Variants in PITPNM2 observed in about 807,000 individuals in gnomAD.
PITPNM2 encodes the protein membrane-associated phosphatidylinositol transfer protein 2.
PITPNM2 carries 35 observed loss-of-function variants against 132.2 expected under a neutral mutation model. That is an observed-to-expected ratio of 0.26 (90% CI 0.20 to 0.35). The LOEUF is 0.35. PITPNM2 is among the 10% of genes least tolerant of loss of function. The pLI is 1.00. For synonymous variants in PITPNM2, 738 were observed against 799.2 expected (o/e 0.92, Z 1.29); for missense variants, 1,332 against 1,912.0 (o/e 0.70, Z 5.66).
At chr12:123,123,470 G>T (rs1198496660) in intron 1 of PITPNM2, among the ~76,000 whole-genome samples, 1 of 151,988 alleles carries the variant, frequency 6.6e-6, no homozygotes, top group Non-Finnish European at 1.5e-5. Flanking sequence ...AATTAGCCAG[G>T]TGCAGTTGCA....
chr12:123,047,408 G>A (rs192959914), intron 2 of PITPNM2, among the ~76,000 whole-genome samples: 23 of 152,236 alleles, frequency 1.5e-4, no homozygotes, highest in Middle Eastern at 3.4e-3. Context: ...AAATACAGGC[G>A]TCTTGGTTCC....
Position 123,012,648 on chromosome 12 carries a change from T to C in PITPNM2, c.380A>G (p.Asn127Ser), listed in dbSNP as rs771960434. 2 of 1,614,060 alleles carry C rather than the reference T, an allele frequency of 1.2e-6. No individual in the cohort carries two copies. The highest frequency in any genetic ancestry group is 2.2e-5 in the South Asian group (2 of 91,078). The change falls in exon 5 of 26, where the codon AAC (asparagine) becomes AGC (serine). Residue 127 changes from asparagine (N) to serine (S), a missense_variant. Asn to Ser is a conservative substitution (Grantham distance 46). Coordinates refer to ENST00000320201, the MANE Select transcript of PITPNM2 (RefSeq NM_020845.3). ...TDAGENPDVFNLSPVEKNQLT... is the reference protein window; with the variant it reads ...TDAGENPDVFSLSPVEKNQLT... ...CTGGTTCTTTTCCACAGGAGAGAGG[T>C]TGAACACGTCGGGGTTTTCTCCAGC...
chr12:122,986,331 G>A lies in PITPNM2; in HGVS notation c.3746C>T (p.Ala1249Val), dbSNP rs1410340966. Reference protein sequence around the residue: ...QQCQFITDGYAAHLAQLKYSH... With the variant: ...QQCQFITDGYVAHLAQLKYSH... The stretch of plus-strand genomic sequence containing the variant: ...GTACTTCAGCTGCGCCAGGTGGGCC[G>A]CGTAGCCATCCGTGATGAACTGCGG... Residue 1249 changes from alanine to valine, a missense_variant, in exon 26 of 26, where the codon GCG becomes GTG. Transcript: ENST00000320201. 1.9e-5 allele frequency: 30 copies of A among 1,579,754 alleles called. No individual in the cohort carries two copies. Among genetic ancestry groups the A allele is most frequent in the Non-Finnish European group, 2.5e-5 (29 of 1,164,676 alleles).
intron 4 of PITPNM2, among the ~76,000 whole-genome samples, chr12:123,013,257 C>T (rs1393104757): frequency 6.6e-6 from 1 of 152,206 alleles, no homozygotes; most frequent in African/African-American, 2.4e-5. Flanking sequence ...TTGTGGGGAC[C>T]CCACCTGCTC....
intron 25 of PITPNM2, 38 bp from the exon 26 acceptor site, chr12:122,986,388 C>T: frequency 3.2e-6 from 5 of 1,563,952 alleles, no homozygotes; most frequent in Non-Finnish European, 3.5e-6. Flanking sequence ...CAGGCTGGGG[C>T]TCCCCGAGCT....
intron 6 of PITPNM2, among the ~76,000 whole-genome samples, chr12:123,006,780 G>A (rs1462131062): frequency 6.6e-6 from 1 of 151,774 alleles, no homozygotes; most frequent in African/African-American, 2.4e-5. Flanking sequence ...AAAGCAGACT[G>A]GGGGTTGCCT....
At chr12:123,109,429 G>A (rs140099343) in intron 2 of PITPNM2, among the ~76,000 whole-genome samples, 2,843 of 152,238 alleles carry the variant, frequency 0.019, 38 homozygotes, top group Non-Finnish European at 0.029. Flanking sequence ...GCTACTCCCT[G>A]GGCCATTCAA....
At chr12:122,997,279 G>A (rs1438148014) in intron 11 of PITPNM2, 46 bp downstream of exon 11, 36 of 1,608,342 alleles carry the variant, frequency 2.2e-5, no homozygotes, top group Non-Finnish European at 2.3e-5. Flanking sequence ...GTAGGAGGAG[G>A]ACAGTGCACT....
At chr12:123,086,598 A>T (rs1190861534) in intron 2 of PITPNM2, among the ~76,000 whole-genome samples, 1 of 152,216 alleles carries the variant, frequency 6.6e-6, no homozygotes, top group Non-Finnish European at 1.5e-5. Context: ...GAATTAACTG[A>T]TTGAATCTTT....
intron 3 of PITPNM2, among the ~76,000 whole-genome samples, chr12:123,028,443 AAC>A (rs2136393685): frequency 6.6e-6 from 1 of 152,284 alleles, no homozygotes; most frequent in Admixed American, 6.5e-5. Flanking sequence ...TTTCCACAAA[AAC>A]ACAGCAGTCT....
At chr12:123,137,066 A>T (rs2043397543) in intron 1 of PITPNM2, among the ~76,000 whole-genome samples, 1 of 152,180 alleles carries the variant, frequency 6.6e-6, no homozygotes, top group Non-Finnish European at 1.5e-5. Context: ...AATGAGGGCA[A>T]GTGTGACTTC....
chr12:123,112,351 T>C (rs2042855767), intron 1 of PITPNM2, among the ~76,000 whole-genome samples: 2 of 152,052 alleles, frequency 1.3e-5, no homozygotes, highest in Non-Finnish European at 2.9e-5. Flanking sequence ...TAAGGGGACA[T>C]GGAAAGTCAC....
At chr12:123,029,664 T>C (rs989253833) in intron 3 of PITPNM2, among the ~76,000 whole-genome samples, 1 of 150,488 alleles carries the variant, frequency 6.6e-6, no homozygotes, top group African/African-American at 2.4e-5. Flanking sequence ...TGTGTGTCTG[T>C]GGAGATGCAT....
At chr12:123,132,104 A>G (rs754197413) in intron 1 of PITPNM2, among the ~76,000 whole-genome samples, 6 of 152,242 alleles carry the variant, frequency 3.9e-5, no homozygotes, top group Non-Finnish European at 8.8e-5. Flanking sequence ...CTCGCTCTGC[A>G]GCTGTGGATG....
At chr12:123,085,333 A>C (rs1316580912) in intron 2 of PITPNM2, among the ~76,000 whole-genome samples, 7 of 152,192 alleles carry the variant, frequency 4.6e-5, no homozygotes, top group African/African-American at 1.7e-4. Flanking sequence ...CAGTGCTGAC[A>C]TCCCCTTTGC....
intron 8 of PITPNM2, 87 bp from the exon 9 acceptor site, chr12:123,001,245 T>C: frequency 9.9e-7 from 1 of 1,011,918 alleles, no homozygotes; most frequent in Non-Finnish European, 1.6e-6. Flanking sequence ...TGTGTACGGC[T>C]CTGCTCTGAC....
intron 3 of PITPNM2, among the ~76,000 whole-genome samples, chr12:123,020,827 A>G (rs1195504053): frequency 6.6e-6 from 1 of 151,896 alleles, no homozygotes; most frequent in East Asian, 1.9e-4. Context: ...GTTCGAGACT[A>G]GCCTGGCCAA....
Position 123,108,042 on chromosome 12 carries a change from C to G in PITPNM2, c.-96+2343G>C, listed in dbSNP as rs188794357. 1.8e-4 allele frequency among the ~76,000 whole-genome samples: 27 copies of G among 152,266 alleles called. No homozygotes were observed. Among genetic ancestry groups the G allele is most frequent in the Admixed American group, 4.6e-4 (7 of 15,292 alleles). ...TGGGCTTGGAAGGTGAAACAGGAAC[C>G]TGACAGGTAGAGGTGGGAAGAGGGA... On this transcript the variant is annotated intron_variant, in intron 2 of 25. Coordinates refer to ENST00000320201, the MANE Select transcript of PITPNM2 (RefSeq NM_020845.3). This position sits in a 1 kb window ranked among gnomAD's most constrained non-coding sequence, Gnocchi z 4.4.
intron 2 of PITPNM2, chr12:123,081,263 TG>T (rs2041954327): frequency 6.6e-6 from 1 of 152,346 alleles, no homozygotes; most frequent in Non-Finnish European, 1.5e-5. Context: ...AGATACCAAC[TG>T]GGGAGTGGGC....
Sources: gnomAD v4.1 joint callset for allele counts (sites outside exome capture counted in the v4.1 genomes callset) on GRCh38, gnomAD v4.1.1 for gene constraint, Gnocchi (gnomAD v3.1) non-coding constraint, MANE v1.5 for transcripts, NCBI Gene and HGNC (gene_info 2026-07-23, HGNC 2026-07-21) for gene names.